The following ATP13A4 variants were observed in gnomAD, a reference collection of about 807,000 sequenced individuals.
The protein encoded by ATP13A4 is ATPase 13A4, also known as probable cation-transporting ATPase 13A4.
A neutral mutation model predicts 142.5 loss-of-function variants in ATP13A4; 114 were observed. That is an observed-to-expected ratio of 0.80 (90% confidence interval 0.69 to 0.93). ATP13A4 has a LOEUF of 0.93. Among genes scored for constraint, ATP13A4 ranks in the 40% least tolerant of loss-of-function variants. The pLI, the probability that ATP13A4 is intolerant of heterozygous loss-of-function variation, is 0.00. For synonymous variants in ATP13A4, 488 were observed against 514.8 expected, an observed-to-expected ratio of 0.95 and a Z score of 0.70; for missense variants, 1,392 against 1,454.0, an observed-to-expected ratio of 0.96 and a Z score of 0.69.
intron 1 of ATP13A4, among the ~76,000 whole-genome samples, chr3:193,550,161 G>A (rs908035070): frequency 1.8e-4 from 27 of 152,106 alleles, no homozygotes; most frequent in African/African-American, 6.5e-4. Context: ...TGAATTAGGA[G>A]TTCGGAAGAA....
intron 17 of ATP13A4, among the ~76,000 whole-genome samples, chr3:193,452,299 A>G (rs562480361): frequency 7.0e-4 from 107 of 152,250 alleles, no homozygotes; most frequent in African/African-American, 2.5e-3. Flanking sequence ...GTGATATCCA[A>G]TCTCAAAGTT....
intron 2 of ATP13A4, among the ~76,000 whole-genome samples, chr3:193,571,606 C>A (rs1724267953): frequency 6.6e-6 from 1 of 152,144 alleles, no homozygotes; most frequent in South Asian, 2.1e-4. Flanking sequence ...TGGCACTTTA[C>A]CTCTTACAGT....
intron 28 of ATP13A4, among the ~76,000 whole-genome samples, chr3:193,410,710 T>C (rs1028997091): frequency 1.3e-5 from 2 of 152,174 alleles, no homozygotes; most frequent in Non-Finnish European, 2.9e-5. Context: ...CAAAGTGAGA[T>C]CCTGTCTCTT....
intron 7 of ATP13A4, 107 bp downstream of exon 7, chr3:193,489,623 A>G: frequency 1.6e-6 from 2 of 1,228,224 alleles, no homozygotes; most frequent in South Asian, 2.5e-5. Context: ...GCTCTCATTT[A>G]CTACGGAGTA....
In ATP13A4 at chr3:193,407,312, C is replaced by T; in HGVS notation, c.3378+1G>A. ...CAGCAGCCCAAGATCAGCACACTTA[C>T]CTCGGCCACAAGGGACACAATGAAA... On this transcript the variant is annotated splice_donor_variant, in intron 29 of 29. Transcript: ENST00000342695. LOFTEE classifies it high-confidence loss of function. 2.5e-6 allele frequency: 4 copies of T among 1,609,480 alleles called. No individual in the cohort carries two copies. Among genetic ancestry groups the T allele is most frequent in the Non-Finnish European group, 3.4e-6 (4 of 1,176,208 alleles).
In ATP13A4 at chr3:193,414,732, T is replaced by A. The variant is rs200150226; in HGVS notation, c.2861A>T (p.Tyr954Phe). The A allele has an allele frequency of 6.2e-7, 1 of 1,614,070 alleles. No homozygotes were observed. Among genetic ancestry groups the A allele is most frequent in the East Asian group, 2.2e-5 (1 of 44,884 alleles). The change falls in exon 26 of 30, where the codon TAC becomes TTC. Residue 954 changes from tyrosine (Y) to phenylalanine (F), a missense_variant. Transcript: ENST00000342695. ...AGGTCTGAAAGGCACCAGCTTAGGG[T>A]AGGCACCATTCAGATTCACTATAAA... ...IGVTMNLNGA[Y>F]PKLVPFRPAG...
intron 18 of ATP13A4, among the ~76,000 whole-genome samples, chr3:193,445,680 C>T (rs1716908420): frequency 6.6e-6 from 1 of 152,026 alleles, no homozygotes; most frequent in Non-Finnish European, 1.5e-5. Context: ...TCGCTTGAAC[C>T]CGGGAGTCGG....
intron 9 of ATP13A4, among the ~76,000 whole-genome samples, chr3:193,470,411 A>G (rs749561656): frequency 1.2e-4 from 19 of 152,226 alleles, no homozygotes; most frequent in Non-Finnish European, 2.1e-4. Flanking sequence ...AACATTTTCA[A>G]GCCAGGCCAG....
intron 3 of ATP13A4, among the ~76,000 whole-genome samples, chr3:193,497,270 C>T (rs1560233361): frequency 6.6e-6 from 1 of 152,144 alleles, no homozygotes; most frequent in Non-Finnish European, 1.5e-5. Flanking sequence ...CCTAAACAGA[C>T]ATTTTTCAAA....
At chr3:193,485,389 AGG>A (rs1719549715) in intron 7 of ATP13A4, among the ~76,000 whole-genome samples, 3 of 152,118 alleles carry the variant, frequency 2.0e-5, no homozygotes, top group Non-Finnish European at 4.4e-5. Context: ...GGGGGTTTTT[AGG>A]AATGTCCCAC....
chr3:193,582,312 C>G (rs1213208120), intron 1 of ATP13A4, among the ~76,000 whole-genome samples: 1 of 149,538 alleles, frequency 6.7e-6, no homozygotes, highest in African/African-American at 2.4e-5. Flanking sequence ...CTACGCCCAG[C>G]TAATTTTTTT....
intron 16 of ATP13A4, 92 bp downstream of exon 16, chr3:193,456,908 A>C (rs568123544): frequency 1.4e-6 from 2 of 1,469,338 alleles, no homozygotes; most frequent in South Asian, 1.2e-5. Context: ...GTGATGACCC[A>C]TAGGCGATTG....
chr3:193,434,467 C>T (rs1239799919), intron 24 of ATP13A4, among the ~76,000 whole-genome samples: 3 of 152,204 alleles, frequency 2.0e-5, no homozygotes, highest in Non-Finnish European at 4.4e-5. Context: ...CACTTTCTTG[C>T]TCCCCACCCC....
chr3:193,537,912 T>TA (rs1180951386), intron 1 of ATP13A4, among the ~76,000 whole-genome samples: 1 of 152,014 alleles, frequency 6.6e-6, no homozygotes, highest in Non-Finnish European at 1.5e-5. Context: ...ATTATAGAAA[T>TA]AGAGAGTAGA....
Position 193,457,146 on chromosome 3 carries a change from A to G in ATP13A4, c.1769T>C (p.Val590Ala). Reference protein sequence around the residue: ...KPCRTASQVPVEGIAILHQFP... With the variant: ...KPCRTASQVPAEGIAILHQFP... ...CTGATGCAGGATTGCAATTCCTTCCACTGGGACCTGGTTGAGGGATGGGGA... is the reference window on the plus strand; with the variant it reads ...CTGATGCAGGATTGCAATTCCTTCCGCTGGGACCTGGTTGAGGGATGGGGA... Residue 590 changes from valine (V) to alanine (A), a missense_variant, in exon 16 of 30, where the codon GTG (valine) becomes GCG (alanine). By Grantham distance (64) the Val-to-Ala change is moderately conservative. Coordinates refer to ENST00000342695, the MANE Select transcript of ATP13A4 (RefSeq NM_032279.4). The G allele has an allele frequency of 6.2e-7, 1 of 1,612,972 alleles. No individual in the cohort carries two copies. The highest frequency in any genetic ancestry group is 8.5e-7 in the Non-Finnish European group (1 of 1,180,018).
intron 1 of ATP13A4, among the ~76,000 whole-genome samples, chr3:193,516,287 T>G (rs1275762591): frequency 2.0e-5 from 3 of 152,244 alleles, no homozygotes; most frequent in Non-Finnish European, 4.4e-5. Flanking sequence ...AAACATTAGA[T>G]TCCTTTCTAC....
intron 9 of ATP13A4, among the ~76,000 whole-genome samples, chr3:193,468,672 G>C (rs2108645977): frequency 6.6e-6 from 1 of 152,306 alleles, no homozygotes; most frequent in African/African-American, 2.4e-5. Context: ...ACTTGAGCCT[G>C]GCAGGTGGAG....
intron 8 of ATP13A4, among the ~76,000 whole-genome samples, chr3:193,474,344 A>AAAAAAAAC (rs1560213836): frequency 3.9e-5 from 4 of 101,788 alleles, no homozygotes; most frequent in East Asian, 3.0e-4. Context: ...AAAAAAAAAA[A>AAAAAAAAC]AAACAAACAA....
rs60049274 is a variant in ATP13A4 at position 193,565,355 on chromosome 3, C to A, written n.291+16352G>T. On this transcript the variant is annotated intron_variant and non_coding_transcript_variant, in intron 2 of 3. Transcript: ENST00000489140. Reference sequence around the variant, plus strand: ...TGGCAATCATTTACTGTTAGGCAAACAATTACTGTTATTTTGGGGTACTTT... The same window carrying A: ...TGGCAATCATTTACTGTTAGGCAAAAAATTACTGTTATTTTGGGGTACTTT... Among the ~76,000 whole-genome samples the A allele has an allele frequency of 5.7e-3, 864 of 152,224 alleles. 11 individuals are homozygous for A. Among genetic ancestry groups the A allele is most frequent in the African/African-American group, 0.019 (809 of 41,522 alleles).
Sources: gnomAD v4.1 joint callset for allele counts (sites outside exome capture counted in the v4.1 genomes callset) on GRCh38, gnomAD v4.1.1 for gene constraint, MANE v1.5 for transcripts, NCBI Gene and HGNC (gene_info 2026-07-23, HGNC 2026-07-21) for gene names.